HMGCLL1: variants seen among roughly 807,000 people sequenced by gnomAD.
HMGCLL1 encodes 3-hydroxymethyl-3-methylglutaryl-CoA lyase, cytoplasmic.
In HMGCLL1, 36 loss-of-function variants were observed where a neutral mutation model predicts 39.1. The ratio of observed to expected loss-of-function variants is 0.92; its 90% CI spans 0.71 to 1.22. HMGCLL1 has a LOEUF of 1.22. Ranked by LOEUF, HMGCLL1 falls within the 50% of genes most tolerant of loss-of-function variation. The pLI is 0.00. For missense variants in HMGCLL1, 451 were observed against 416.5 expected (o/e 1.08, Z -0.72); for synonymous variants, 149 against 144.0 (o/e 1.03, Z -0.25).
the HMGCLL1 span, among the ~76,000 whole-genome samples, chr6:55,649,097 T>G: frequency 6.6e-6 from 1 of 152,132 alleles, no homozygotes; most frequent in South Asian, 2.1e-4. Flanking sequence ...TCCTTCTACT[T>G]AAGTCAAGAG....
the HMGCLL1 span, among the ~76,000 whole-genome samples, chr6:55,653,203 T>C: frequency 3.3e-5 from 5 of 152,074 alleles, no homozygotes; most frequent in Admixed American, 3.3e-4. Context: ...GTTTCTTTTA[T>C]GGCAAGAAAA....
intron 1 of HMGCLL1, among the ~76,000 whole-genome samples, chr6:55,554,760 G>A (rs1035100926): frequency 1.4e-4 from 22 of 152,206 alleles, no homozygotes; most frequent in African/African-American, 5.1e-4. Flanking sequence ...GGTCTAAGGC[G>A]TTTGTTCTAA....
At chr6:55,577,271 A>G in intron 1 of HMGCLL1, 3 of 1,428,512 alleles carry the variant, frequency 2.1e-6, no homozygotes, top group Non-Finnish European at 2.8e-6. Flanking sequence ...ATTGGAACTA[A>G]AACAGAATTA....
chr6:55,499,764 C>T (rs1429349276), intron 5 of HMGCLL1, among the ~76,000 whole-genome samples: 1 of 152,046 alleles, frequency 6.6e-6, no homozygotes, highest in African/African-American at 2.4e-5. Context: ...AGCCATTAAT[C>T]ATCCAAAGGT....
chr6:55,574,145 ATGTG>A (rs1417337925), intron 1 of HMGCLL1, among the ~76,000 whole-genome samples: 4 of 152,020 alleles, frequency 2.6e-5, no homozygotes, highest in Non-Finnish European at 5.9e-5. Context: ...ATTAGTGTAT[ATGTG>A]TGTATGTAAT....
chr6:55,518,035 A>C (rs1767835559), intron 3 of HMGCLL1, among the ~76,000 whole-genome samples: 1 of 152,162 alleles, frequency 6.6e-6, no homozygotes, highest in South Asian at 2.1e-4. Context: ...ATTCATTTAC[A>C]ATGCATAAAA....
intron 7 of HMGCLL1, among the ~76,000 whole-genome samples, chr6:55,493,009 C>T (rs922201481): frequency 5.3e-5 from 8 of 151,318 alleles, no homozygotes; most frequent in South Asian, 4.2e-4. Context: ...AATAGTTTAG[C>T]GTAAGCCGAA....
the HMGCLL1 span, among the ~76,000 whole-genome samples, chr6:55,588,086 A>T: frequency 1.3e-5 from 2 of 152,132 alleles, no homozygotes; most frequent in Non-Finnish European, 2.9e-5. Flanking sequence ...TCCACCCCAA[A>T]TCAACAGAAT....
chr6:55,567,310 A>G (rs1771266351), intron 1 of HMGCLL1, among the ~76,000 whole-genome samples: 1 of 152,160 alleles, frequency 6.6e-6, no homozygotes, highest in African/African-American at 2.4e-5. Context: ...TTATAAGATT[A>G]TGGGGTCTTA....
the HMGCLL1 span, among the ~76,000 whole-genome samples, chr6:55,600,567 T>A: frequency 6.6e-6 from 1 of 152,160 alleles, no homozygotes; most frequent in Non-Finnish European, 1.5e-5. Flanking sequence ...ACACGTGAAA[T>A]AATCATGTGT....
chr6:55,634,706 G>A, the HMGCLL1 span, among the ~76,000 whole-genome samples: 1 of 152,112 alleles, frequency 6.6e-6, no homozygotes, highest in African/African-American at 2.4e-5. Context: ...GTGGCACACT[G>A]AGTAAATTAT....
At chr6:55,492,253 G>T (rs930883520) in intron 7 of HMGCLL1, among the ~76,000 whole-genome samples, 1 of 152,144 alleles carries the variant, frequency 6.6e-6, no homozygotes, top group African/African-American at 2.4e-5. Flanking sequence ...GCAAAGGTTG[G>T]CCCTGTTCAT....
chr6:55,651,474 CT>C, the HMGCLL1 span, among the ~76,000 whole-genome samples: 1 of 152,222 alleles, frequency 6.6e-6, no homozygotes, highest in East Asian at 1.9e-4. Flanking sequence ...ACAAAGTCCT[CT>C]TTATTCTTCA....
At chr6:55,648,995 A>T in the HMGCLL1 span, among the ~76,000 whole-genome samples, 1 of 151,890 alleles carries the variant, frequency 6.6e-6, no homozygotes, top group Non-Finnish European at 1.5e-5. Context: ...GAATCCAGCA[A>T]CACATCAAAA....
chr6:55,636,510 AC>A, the HMGCLL1 span, among the ~76,000 whole-genome samples: 1 of 152,260 alleles, frequency 6.6e-6, no homozygotes, highest in East Asian at 1.9e-4. Flanking sequence ...TGGACTCACA[AC>A]CTAAATCTTT....
intron 7 of HMGCLL1, among the ~76,000 whole-genome samples, chr6:55,469,447 ATATGT>A (rs1764946561): frequency 2.8e-5 from 4 of 141,838 alleles, no homozygotes; most frequent in African/African-American, 1.1e-4. Context: ...ATATACATAT[ATATGT>A]ATATATGTGT....
chr6:55,492,162 C>A (rs1298817356), intron 7 of HMGCLL1, among the ~76,000 whole-genome samples: 2 of 152,158 alleles, frequency 1.3e-5, no homozygotes, highest in African/African-American at 2.4e-5. Context: ...GATATCTAGT[C>A]CACATCCACC....
chr6:55,660,093 G>T, the HMGCLL1 span, among the ~76,000 whole-genome samples: 1 of 151,706 alleles, frequency 6.6e-6, no homozygotes, highest in Non-Finnish European at 1.5e-5. Context: ...CTCAATAATT[G>T]GTTTGTGAGC....
At chr6:55,492,443 G>A (rs774395352) in intron 7 of HMGCLL1, among the ~76,000 whole-genome samples, 11 of 152,314 alleles carry the variant, frequency 7.2e-5, no homozygotes, top group African/African-American at 2.2e-4. Context: ...ACCAGTCCAC[G>A]TGTGTTTGCA....
Sources: gnomAD v4.1 joint callset for allele counts (sites outside exome capture counted in the v4.1 genomes callset) on GRCh38, gnomAD v4.1.1 for gene constraint, MANE v1.5 for transcripts, NCBI Gene and HGNC (gene_info 2026-07-23, HGNC 2026-07-21) for gene names.